Variants in RASGRF2 observed in about 807,000 individuals in gnomAD.
RASGRF2 encodes ras-specific guanine nucleotide-releasing factor 2.
A neutral mutation model predicts 151.0 loss-of-function variants in RASGRF2; 76 were observed. The observed-to-expected ratio is 0.50, with a 90% confidence interval of 0.42 to 0.61. RASGRF2 has a LOEUF of 0.61. Among genes scored for constraint, RASGRF2 ranks in the 20% least tolerant of loss-of-function variants. The probability of loss-of-function intolerance (pLI) is 0.00; values close to 1 mark genes in which losing one functional copy is unlikely to be tolerated. For synonymous variants in RASGRF2, 504 were observed against 566.5 expected, an observed-to-expected ratio of 0.89 and a Z score of 1.57; for missense variants, 1,148 against 1,564.6, an observed-to-expected ratio of 0.73 and a Z score of 4.49.
chr5:81,219,620 G>C, intron 25 of RASGRF2, 90 bp from the exon 26 acceptor site: 1 of 1,078,442 alleles, frequency 9.3e-7, no homozygotes, highest in East Asian at 2.5e-5. Flanking sequence ...ACCCTTCTGG[G>C]AAGAGGCCTC....
chr5:81,215,757 A>T, intron 23 of RASGRF2, 119 bp from the exon 24 acceptor site: 1 of 1,252,000 alleles, frequency 8.0e-7, no homozygotes, highest in African/African-American at 1.6e-5. Context: ...AATGACCTTT[A>T]TTCTGGCAAA....
At chr5:81,106,885 G>C (rs888802021) in intron 12 of RASGRF2, among the ~76,000 whole-genome samples, 20 of 152,270 alleles carry the variant, frequency 1.3e-4, no homozygotes, top group African/African-American at 4.8e-4. Context: ...CATTTCTTCA[G>C]TGTGAAGAAG....
At chr5:81,132,951 T>C (rs1753661970) in intron 17 of RASGRF2, among the ~76,000 whole-genome samples, 1 of 152,210 alleles carries the variant, frequency 6.6e-6, no homozygotes, top group Admixed American at 6.5e-5. Flanking sequence ...GCTTAAGCTT[T>C]CTTGACTTCC....
intron 2 of RASGRF2, among the ~76,000 whole-genome samples, chr5:81,062,281 A>G (rs1460973581): frequency 6.6e-6 from 1 of 152,152 alleles, no homozygotes; most frequent in African/African-American, 2.4e-5. Flanking sequence ...ACACCCTTAC[A>G]ATACCTCTTA....
intron 12 of RASGRF2, among the ~76,000 whole-genome samples, 164 bp from the exon 13 acceptor site, chr5:81,108,832 C>CTGTGTGTGTG (rs200586966): frequency 6.4e-4 from 74 of 115,512 alleles, no homozygotes; most frequent in Middle Eastern, 4.3e-3. Context: ...TATTTACCTA[C>CTGTGTGTGTG]TCTGTGTGTG....
chr5:81,022,659 CCTT>C (rs1749870679), intron 1 of RASGRF2, among the ~76,000 whole-genome samples: 1 of 152,198 alleles, frequency 6.6e-6, no homozygotes, highest in Non-Finnish European at 1.5e-5. Context: ...TCGGACCTCT[CCTT>C]CTTGCCACAC....
chr5:81,112,560 G>C, intron 13 of RASGRF2, 50 bp from the exon 14 acceptor site: 2 of 1,608,940 alleles, frequency 1.2e-6, no homozygotes, highest in Non-Finnish European at 1.7e-6. Context: ...AGTGGCCGAG[G>C]GGGAAGCCTC....
intron 2 of RASGRF2, among the ~76,000 whole-genome samples, chr5:81,062,419 T>A (rs578003422): frequency 6.6e-6 from 1 of 152,380 alleles, no homozygotes; most frequent in East Asian, 1.9e-4. Flanking sequence ...CAGTATGTAT[T>A]GTCTCTGCTA....
chr5:81,043,527 C>T (rs867581369), intron 2 of RASGRF2, among the ~76,000 whole-genome samples: 2 of 152,172 alleles, frequency 1.3e-5, no homozygotes, highest in Non-Finnish European at 2.9e-5. Context: ...TCGCTTCCCC[C>T]TAAGAAACAT....
intron 2 of RASGRF2, among the ~76,000 whole-genome samples, chr5:81,062,898 T>A (rs1376201803): frequency 6.6e-6 from 1 of 152,228 alleles, no homozygotes; most frequent in African/African-American, 2.4e-5. Flanking sequence ...GTTTTTCCTG[T>A]CTTGTCCTGG....
At chr5:81,092,030 AT>A (rs1488445418) in intron 9 of RASGRF2, among the ~76,000 whole-genome samples, 1 of 152,108 alleles carries the variant, frequency 6.6e-6, no homozygotes, top group Non-Finnish European at 1.5e-5. Context: ...TTGGAATTTT[AT>A]TTTTGGGGTA....
At chr5:81,040,449 A>G (rs898816349) in intron 1 of RASGRF2, among the ~76,000 whole-genome samples, 4 of 152,252 alleles carry the variant, frequency 2.6e-5, no homozygotes, top group Non-Finnish European at 4.4e-5. Context: ...TATTGTTGTA[A>G]TAATTATCAA....
At chr5:81,116,102 A>T (rs1428442722) in intron 15 of RASGRF2, among the ~76,000 whole-genome samples, 15 of 28,394 alleles carry the variant, frequency 5.3e-4, no homozygotes, top group Non-Finnish European at 5.8e-4. Flanking sequence ...TTTTTTTTTG[A>T]GATGGAGTCT....
intron 12 of RASGRF2, among the ~76,000 whole-genome samples, chr5:81,102,567 T>C (rs1409407664): frequency 6.6e-6 from 1 of 151,938 alleles, no homozygotes; most frequent in East Asian, 1.9e-4. Context: ...TGGCGGCACA[T>C]GCCTGTAGTC....
intron 17 of RASGRF2, among the ~76,000 whole-genome samples, chr5:81,158,643 G>A (rs1417652719): frequency 1.3e-5 from 2 of 151,988 alleles, no homozygotes; most frequent in African/African-American, 4.8e-5. Flanking sequence ...AAAAATGGGT[G>A]GAAGATTTGA....
intron 1 of RASGRF2, among the ~76,000 whole-genome samples, chr5:81,009,728 A>G (rs1749393980): frequency 6.6e-6 from 1 of 152,260 alleles, no homozygotes; most frequent in Non-Finnish European, 1.5e-5. Context: ...GTGTAACATT[A>G]TGTACACTTT....
At chr5:81,006,828 T>G (rs1001717482) in intron 1 of RASGRF2, among the ~76,000 whole-genome samples, 3 of 152,232 alleles carry the variant, frequency 2.0e-5, no homozygotes, top group Non-Finnish European at 4.4e-5. Flanking sequence ...TTTCATTAAC[T>G]GAACACATGT....
At chr5:80,972,395 A>G (rs1013876591) in intron 1 of RASGRF2, among the ~76,000 whole-genome samples, 1 of 152,206 alleles carries the variant, frequency 6.6e-6, no homozygotes. Flanking sequence ...GTGTGTAGTA[A>G]CATGTCATTT....
At chr5:81,043,382 G>T (rs938468005) in intron 2 of RASGRF2, among the ~76,000 whole-genome samples, 5 of 152,172 alleles carry the variant, frequency 3.3e-5, no homozygotes, top group Non-Finnish European at 2.9e-5. Flanking sequence ...CCTGCCTGAG[G>T]TCACACAGCT....
Sources: gnomAD v4.1 joint callset for allele counts (sites outside exome capture counted in the v4.1 genomes callset) on GRCh38, gnomAD v4.1.1 for gene constraint, MANE v1.5 for transcripts, NCBI Gene and HGNC (gene_info 2026-07-23, HGNC 2026-07-21) for gene names.